MYO1B: variants seen among roughly 807,000 people sequenced by gnomAD.
MYO1B encodes unconventional myosin-Ib.
In MYO1B, 72 loss-of-function variants were observed where a neutral mutation model predicts 159.7. That is an observed-to-expected ratio of 0.45 (90% confidence interval 0.37 to 0.55). The LOEUF is 0.55. MYO1B is among the 20% of genes least tolerant of loss of function. The probability of loss-of-function intolerance (pLI) is 0.00; values close to 1 mark genes in which losing one functional copy is unlikely to be tolerated. For synonymous variants in MYO1B, 468 were observed against 473.8 expected (o/e 0.99, Z 0.16); for missense variants, 1,062 against 1,364.8 (o/e 0.78, Z 3.50).
chr2:191,375,982 T>C (rs1182579268), intron 13 of MYO1B, among the ~76,000 whole-genome samples: 1 of 151,826 alleles, frequency 6.6e-6, no homozygotes, highest in Non-Finnish European at 1.5e-5. Context: ...AAATTCAAAC[T>C]TAAATGTGTG....
rs756560669 is a variant in MYO1B, at chr2:191,392,108, G to A, written c.1983G>A (p.Arg661=). Reference sequence around the variant, plus strand: ...ACTGTTTTTATTTTTATTTTTTTAGGTCTGGTGTGGAGGTCCTATTTAATG... The same window carrying A: ...ACTGTTTTTATTTTTATTTTTTTAGATCTGGTGTGGAGGTCCTATTTAATG... The part of the protein sequence containing the change: ...QTWPHWKGPA[R]SGVEVLFNEL... Residue 661 remains arginine, a splice_region_variant and synonymous_variant, in exon 19 of 31, where the codon AGG becomes AGA. Coordinates refer to ENST00000392318, the MANE Select transcript of MYO1B (RefSeq NM_001130158.3). The A allele has an allele frequency of 1.3e-6, 2 of 1,593,804 alleles. No individual in the cohort carries two copies. The highest frequency in any genetic ancestry group is 1.3e-5 in the African/African-American group (1 of 74,544).
intron 2 of MYO1B, among the ~76,000 whole-genome samples, chr2:191,283,995 A>G (rs16833569): frequency 0.016 from 2,456 of 152,332 alleles, 54 homozygotes; most frequent in African/African-American, 0.056. Flanking sequence ...ATAGGTGATC[A>G]TTACATGGTG....
intron 10 of MYO1B, 72 bp from the exon 11 acceptor site, chr2:191,364,086 C>G: frequency 7.4e-7 from 1 of 1,347,730 alleles, no homozygotes; most frequent in Non-Finnish European, 1.1e-6. Context: ...AAAGAACATC[C>G]TAAGCCTTCA....
chr2:191,277,437 A>T (rs879841347), intron 2 of MYO1B, among the ~76,000 whole-genome samples: 1 of 152,226 alleles, frequency 6.6e-6, no homozygotes, highest in Admixed American at 6.5e-5. Context: ...AACTTTCTCG[A>T]CATTTGTAGT....
intron 26 of MYO1B, among the ~76,000 whole-genome samples, chr2:191,410,678 CTGTA>C (rs142896040): frequency 0.02 from 3,085 of 152,212 alleles, 104 homozygotes; most frequent in African/African-American, 0.07. Flanking sequence ...TCAGTTTTCT[CTGTA>C]TGTGTGTGGA....
chr2:191,406,939 T>A (rs538329609), intron 24 of MYO1B, among the ~76,000 whole-genome samples: 1 of 152,278 alleles, frequency 6.6e-6, no homozygotes, highest in South Asian at 2.1e-4. Context: ...GGTGCAAAAA[T>A]GCTCAGAGGG....
rs1009523239 is a variant in MYO1B at position 191,245,437 on chromosome 2, C to G, written c.-199C>G. On this transcript the variant is annotated 5_prime_UTR_variant, in exon 1 of 31. Coordinates refer to ENST00000392318, the MANE Select transcript of MYO1B (RefSeq NM_001130158.3). ...CGCAGCTGGGTGCGCACGGGAGCCTCAACCGCGGCGCGTGGAGGCAGTACC... is the reference window on the plus strand; with the variant it reads ...CGCAGCTGGGTGCGCACGGGAGCCTGAACCGCGGCGCGTGGAGGCAGTACC... 1 of 152,030 alleles carries G rather than the reference C, an allele frequency of 6.6e-6. No homozygotes were observed. Among genetic ancestry groups the G allele is most frequent in the African/African-American group, 2.4e-5 (1 of 41,414 alleles). The allele number at this position is 152,030 out of a possible 1,614,324, so 9.4% of individuals were successfully genotyped here.
intron 6 of MYO1B, among the ~76,000 whole-genome samples, chr2:191,348,193 T>C (rs1273345930): frequency 1.3e-5 from 2 of 152,222 alleles, no homozygotes; most frequent in East Asian, 3.8e-4. Flanking sequence ...CTCATTGGTT[T>C]ATCCCTGGTT....
At chr2:191,249,345 C>T (rs929063698) in intron 1 of MYO1B, among the ~76,000 whole-genome samples, 1 of 152,184 alleles carries the variant, frequency 6.6e-6, no homozygotes, top group African/African-American at 2.4e-5. Context: ...CTGGCAGTAG[C>T]CTTTTACAGA....
intron 3 of MYO1B, among the ~76,000 whole-genome samples, chr2:191,304,859 C>G (rs1436539379): frequency 6.6e-6 from 1 of 152,134 alleles, no homozygotes; most frequent in Non-Finnish European, 1.5e-5. Flanking sequence ...ATCTCAGACT[C>G]GAAAGAGTTT....
rs543399700 is a variant in MYO1B at position 191,316,421 on chromosome 2, G to A, written c.252-13514G>A. ...TAATGATTCCCAGTCTTTGGGCCTC[G>A]GGAGTTATTGTAGGGATTGCTGTTT... On this transcript the variant is annotated intron_variant, in intron 3 of 30. Coordinates refer to ENST00000392318, the MANE Select transcript of MYO1B (RefSeq NM_001130158.3). 3.9e-5 allele frequency among the ~76,000 whole-genome samples: 6 copies of A among 152,232 alleles called. No individual in the cohort carries two copies. In the East Asian group the frequency reaches 9.6e-4, roughly 24 times the overall value.
intron 2 of MYO1B, among the ~76,000 whole-genome samples, chr2:191,294,591 G>A (rs1234945837): frequency 2.0e-5 from 3 of 152,162 alleles, no homozygotes; most frequent in African/African-American, 7.2e-5. Flanking sequence ...TGCAGTGTGA[G>A]GACAACCAGA....
Position 191,369,638 on chromosome 2 carries a change from T to A in MYO1B, c.1119+10T>A, listed in dbSNP as rs1390189952. On this transcript the variant is annotated intron_variant, in intron 12 of 30. Coordinates refer to ENST00000392318, the MANE Select transcript of MYO1B (RefSeq NM_001130158.3). ...CAATGAAAGCATTAAGGTACTGAAT[T>A]TCTATGAGCAAAATCAGTTGTAATA... is the stretch of plus-strand genomic sequence containing the variant. The A allele has an allele frequency of 1.2e-6, 2 of 1,601,086 alleles. No homozygotes were observed. The highest frequency in any genetic ancestry group is 8.6e-7 in the Non-Finnish European group (1 of 1,168,634).
chr2:191,394,073 T>G (rs1695923649), intron 20 of MYO1B, among the ~76,000 whole-genome samples: 1 of 152,222 alleles, frequency 6.6e-6, no homozygotes, highest in Non-Finnish European at 1.5e-5. Context: ...TATTTCCAAG[T>G]TTTACAAATT....
chr2:191,256,630 G>T (rs1397270422), intron 1 of MYO1B, among the ~76,000 whole-genome samples: 3 of 152,016 alleles, frequency 2.0e-5, no homozygotes, highest in Non-Finnish European at 4.4e-5. Flanking sequence ...AATAGATTGG[G>T]GTGACTTTTA....
intron 28 of MYO1B, 126 bp downstream of exon 28, chr2:191,414,306 C>A: frequency 8.0e-7 from 1 of 1,243,486 alleles, no homozygotes; most frequent in Non-Finnish European, 1.1e-6. Context: ...CGGCTATTTC[C>A]CCTTACCTTT....
Position 191,398,423 on chromosome 2 carries a change from A to ACC in MYO1B, c.2295+1934_2295+1935dup, listed in dbSNP as rs551169413. 7.1e-3 allele frequency among the ~76,000 whole-genome samples: 750 copies of ACC among 105,044 alleles called. 19 individuals are homozygous for ACC. Among genetic ancestry groups the ACC allele is most frequent in the African/African-American group, 0.016 (434 of 27,136 alleles). 68.9% of individuals were successfully genotyped at this position (105,044 alleles called of 152,430 possible). On this transcript the variant is annotated intron_variant, in intron 21 of 30. Transcript: ENST00000392318. ...GGGCGGCTGGCCGGGCGGGGGGCTG[A>ACC]CCCCCCCCCACCTCCCTCCCGGACG...
intron 16 of MYO1B, 111 bp downstream of exon 16, chr2:191,386,195 G>A: frequency 2.1e-6 from 2 of 947,592 alleles, no homozygotes; most frequent in Non-Finnish European, 3.2e-6. Flanking sequence ...GACAAATTGA[G>A]CTGCTAAAGT....
intron 1 of MYO1B, among the ~76,000 whole-genome samples, chr2:191,269,500 T>C (rs1687334670): frequency 6.6e-6 from 1 of 152,192 alleles, no homozygotes; most frequent in African/African-American, 2.4e-5. Context: ...TTTCACTTCT[T>C]TTAGGTATAT....
Sources: allele counts gnomAD v4.1 joint callset (sites outside exome capture counted in the v4.1 genomes callset), GRCh38; gene constraint gnomAD v4.1.1; transcripts MANE v1.5; gene names NCBI Gene and HGNC (gene_info 2026-07-23, HGNC 2026-07-21).